The following FRMD5 variants were observed in gnomAD, a reference collection of about 807,000 sequenced individuals.
FRMD5 encodes the protein FERM domain-containing protein 5.
FRMD5 carries 20 observed loss-of-function variants against 69.0 expected under a neutral mutation model. The observed-to-expected ratio is 0.29, with a 90% CI of 0.20 to 0.42. The LOEUF (loss-of-function observed/expected upper bound fraction) is 0.42. Ranked by LOEUF, FRMD5 falls within the 10% of genes least tolerant of loss-of-function variation. The pLI, the probability that FRMD5 is intolerant of heterozygous loss-of-function variation, is 1.00. For synonymous variants in FRMD5, 271 were observed against 260.1 expected (o/e 1.04, Z -0.40); for missense variants, 595 against 708.6 (o/e 0.84, Z 1.82).
At chr15:43,883,007 A>T (rs1017162392) in intron 13 of FRMD5, among the ~76,000 whole-genome samples, 6 of 151,838 alleles carry the variant, frequency 4.0e-5, no homozygotes, top group African/African-American at 1.5e-4. Flanking sequence ...GGGTTTCACC[A>T]TGTTGGCCAG....
intron 1 of FRMD5, among the ~76,000 whole-genome samples, chr15:43,935,624 A>G (rs1474272189): frequency 6.6e-6 from 1 of 152,140 alleles, no homozygotes; most frequent in African/African-American, 2.4e-5. Context: ...TGATAGAGAG[A>G]GCAAACAGAG....
intron 1 of FRMD5, among the ~76,000 whole-genome samples, chr15:44,071,791 TTAA>T (rs1185120782): frequency 6.6e-6 from 1 of 152,262 alleles, no homozygotes; most frequent in African/African-American, 2.4e-5. Flanking sequence ...GACTATATTC[TTAA>T]TAATTAAGAA....
chr15:44,134,240 G>A (rs557984994), intron 1 of FRMD5, among the ~76,000 whole-genome samples: 28 of 152,018 alleles, frequency 1.8e-4, no homozygotes, highest in African/African-American at 6.8e-4. Flanking sequence ...CTCCTGAACA[G>A]CTAGAACTAC....
At chr15:43,926,608 C>T (rs1344106063) in intron 1 of FRMD5, among the ~76,000 whole-genome samples, 5 of 152,012 alleles carry the variant, frequency 3.3e-5, no homozygotes, top group Admixed American at 6.6e-5. Flanking sequence ...ATGCTGATCT[C>T]GCGGCAGTTA....
intron 1 of FRMD5, among the ~76,000 whole-genome samples, chr15:44,090,376 A>G (rs530326964): frequency 1.3e-5 from 2 of 152,276 alleles, no homozygotes; most frequent in South Asian, 2.1e-4. Flanking sequence ...AGCTAGCTCA[A>G]TATTTTAAAA....
intron 1 of FRMD5, among the ~76,000 whole-genome samples, chr15:44,109,160 T>C (rs999935067): frequency 1.3e-5 from 2 of 152,028 alleles, no homozygotes; most frequent in African/African-American, 4.8e-5. Context: ...CTTGAATAAT[T>C]TTTTAATTTC....
At chr15:44,173,016 G>T (rs183861502) in intron 1 of FRMD5, among the ~76,000 whole-genome samples, 1 of 152,118 alleles carries the variant, frequency 6.6e-6, no homozygotes, top group Non-Finnish European at 1.5e-5. Context: ...ACATGAAATC[G>T]CTTGTCATCA....
chr15:44,008,137 T>C (rs1890547622), intron 1 of FRMD5, among the ~76,000 whole-genome samples: 1 of 147,682 alleles, frequency 6.8e-6, no homozygotes, highest in African/African-American at 2.5e-5. Context: ...CTCCCTATGT[T>C]GCCCAGGCTG....
At chr15:44,043,606 T>C (rs1892300938) in intron 1 of FRMD5, among the ~76,000 whole-genome samples, 1 of 152,096 alleles carries the variant, frequency 6.6e-6, no homozygotes, top group South Asian at 2.1e-4. Context: ...AACAGAGGCC[T>C]CAGAAATAAC....
chr15:44,083,846 TTC>T (rs1322133334), intron 1 of FRMD5, among the ~76,000 whole-genome samples: 1 of 152,032 alleles, frequency 6.6e-6, no homozygotes, highest in African/African-American at 2.4e-5. Flanking sequence ...AATATCTTCT[TTC>T]TGTCAGCAGC....
At chr15:44,165,340 C>A (rs762646684) in intron 1 of FRMD5, among the ~76,000 whole-genome samples, 1 of 151,964 alleles carries the variant, frequency 6.6e-6, no homozygotes, top group Non-Finnish European at 1.5e-5. Context: ...GAGGATTGCT[C>A]GAAACTGGGA....
chr15:43,905,798 A>G (rs372018894), intron 6 of FRMD5, 30 bp downstream of exon 6: 9 of 1,612,526 alleles, frequency 5.6e-6, no homozygotes, highest in African/African-American at 5.3e-5. Flanking sequence ...AGAAGCCACA[A>G]TGTTCTGGGC....
chr15:43,882,671 C>G (rs1412331915), intron 13 of FRMD5, among the ~76,000 whole-genome samples: 14 of 151,702 alleles, frequency 9.2e-5, no homozygotes, highest in Admixed American at 6.6e-4. Context: ...GGACAGATTT[C>G]TATAGCTGAA....
rs1188735548 is a variant in FRMD5, at chr15:43,911,003, C to A, written c.330-1024G>T. Among the ~76,000 whole-genome samples the A allele has an allele frequency of 2.0e-5, 3 of 152,210 alleles. No homozygotes were observed. The East Asian group carries it at 5.8e-4, about 29-fold the overall frequency. On this transcript the variant is annotated intron_variant, in intron 4 of 13. Coordinates refer to ENST00000417257, the MANE Select transcript of FRMD5 (RefSeq NM_032892.5). ...GCACTATAAATGCTTTGCAGTTTCA[C>A]TAGTTGGATGGACCCTGTCACAGTG... is the stretch of plus-strand genomic sequence containing the variant.
intron 1 of FRMD5, among the ~76,000 whole-genome samples, chr15:43,930,370 C>CCATA (rs2089653946): frequency 6.6e-6 from 1 of 152,216 alleles, no homozygotes; most frequent in Admixed American, 6.5e-5. Context: ...TGTGGCAGGG[C>CCATA]CATAGCTCAC....
rs2088212327 is a variant in FRMD5 at position 43,873,249 on chromosome 15, A to AAAAG, written c.*632_*635dup. On this transcript the variant is annotated 3_prime_UTR_variant, in exon 14 of 14. Coordinates refer to ENST00000417257, the MANE Select transcript of FRMD5 (RefSeq NM_032892.5). ...TGCTCAGATTTGAAAAAACAAAAGGAAAAGAAAATCCAACTCAGACCATCA... is the reference window on the plus strand; with the variant it reads ...TGCTCAGATTTGAAAAAACAAAAGGAAAAGAAAGAAAATCCAACTCAGACCATCA... 3.9e-6 allele frequency: 6 copies of AAAAG among 1,548,974 alleles called. No individual in the cohort carries two copies. The highest frequency in any genetic ancestry group is 4.4e-6 in the Non-Finnish European group (5 of 1,146,602).
rs559254833 is a variant in FRMD5 at position 43,908,294 on chromosome 15, C to A, written c.427+1588G>T. Among the ~76,000 whole-genome samples, 632 of 148,626 alleles carry A rather than the reference C, an allele frequency of 4.3e-3. 8 individuals carry two copies. Among genetic ancestry groups the A allele is most frequent in the African/African-American group, 0.015 (587 of 39,892 alleles). On this transcript the variant is annotated intron_variant, in intron 5 of 13. Coordinates refer to ENST00000417257, the MANE Select transcript of FRMD5 (RefSeq NM_032892.5). ...AGTGAGCCGAGATCACACCACTGCA[C>A]TCTGGCCTAGGGGACAGAGCCAGAT... is the stretch of plus-strand genomic sequence containing the variant.
intron 13 of FRMD5, among the ~76,000 whole-genome samples, chr15:43,882,591 T>G (rs1039796889): frequency 1.3e-5 from 2 of 151,712 alleles, no homozygotes; most frequent in Admixed American, 6.6e-5. Context: ...ACTACTGACC[T>G]TAGGTGATCC....
intron 2 of FRMD5, among the ~76,000 whole-genome samples, chr15:43,923,825 G>A (rs1038575714): frequency 6.6e-6 from 1 of 152,180 alleles, no homozygotes; most frequent in Admixed American, 6.5e-5. Flanking sequence ...GGGTTGGTAT[G>A]GCACCTTTGG....
Sources: gnomAD v4.1 joint callset for allele counts (sites outside exome capture counted in the v4.1 genomes callset) on GRCh38, gnomAD v4.1.1 for gene constraint, MANE v1.5 for transcripts, NCBI Gene and HGNC (gene_info 2026-07-23, HGNC 2026-07-21) for gene names.